Variants in TMEM232 observed in about 807,000 individuals in gnomAD.
TMEM232 encodes the protein transmembrane protein 232.
TMEM232 carries 80 observed loss-of-function variants against 78.8 expected under a neutral mutation model. The ratio of observed to expected loss-of-function variants is 1.01; its 90% CI spans 0.85 to 1.22. TMEM232 has a LOEUF of 1.22. TMEM232 is among the 50% of genes most tolerant of loss of function. The pLI, the probability that TMEM232 is intolerant of heterozygous loss-of-function variation, is 0.00. For missense variants in TMEM232, 881 were observed against 742.2 expected (o/e 1.19, Z -2.17); for synonymous variants, 297 against 254.3 (o/e 1.17, Z -1.60).
rs377220440 is a variant in TMEM232, at chr5:110,433,893, G to A, written c.1704-8977C>T. On this transcript the variant is annotated intron_variant, in intron 12 of 13. Coordinates refer to ENST00000455884, the MANE Select transcript of TMEM232 (RefSeq NM_001039763.4). ...GGATTTGGTTTGCTAGTATTCTGCT[G>A]AGGATTTTTCTATCTATGTTCATCA... Among the ~76,000 whole-genome samples the A allele has an allele frequency of 2.1e-4, 32 of 152,170 alleles. 1 individual carries two copies. The East Asian group carries it at 2.5e-3, about 12-fold the overall frequency.
intron 1 of TMEM232, among the ~76,000 whole-genome samples, chr5:110,696,548 A>T (rs918072023): frequency 5.3e-5 from 8 of 152,208 alleles, no homozygotes; most frequent in Non-Finnish European, 1.2e-4. Context: ...GTATATCTAG[A>T]AAACCCCATA....
intron 8 of TMEM232, among the ~76,000 whole-genome samples, chr5:110,615,884 CA>C (rs563622200): frequency 1.7e-3 from 261 of 151,708 alleles, no homozygotes; most frequent in African/African-American, 5.9e-3. Context: ...ATTATGAAAA[CA>C]ATCTCATTTA....
At chr5:110,508,267 C>T (rs1383831340) in intron 12 of TMEM232, among the ~76,000 whole-genome samples, 4 of 151,816 alleles carry the variant, frequency 2.6e-5, no homozygotes, top group Non-Finnish European at 5.9e-5. Context: ...ACAGAGTTGG[C>T]ATTGAAAGTG....
intron 8 of TMEM232, among the ~76,000 whole-genome samples, chr5:110,611,413 T>C (rs1049801396): frequency 1.3e-5 from 2 of 152,114 alleles, no homozygotes; most frequent in Admixed American, 6.6e-5. Context: ...CTTCATTCTT[T>C]GAGTTCCAGG....
intron 12 of TMEM232, among the ~76,000 whole-genome samples, chr5:110,480,064 T>TTTCAG (rs1763696867): frequency 6.6e-6 from 1 of 151,888 alleles, no homozygotes; most frequent in Admixed American, 6.6e-5. Flanking sequence ...AAATAACTAC[T>TTTCAG]CATTATTTCT....
intron 10 of TMEM232, among the ~76,000 whole-genome samples, chr5:110,589,205 G>C (rs1190182095): frequency 2.0e-5 from 3 of 152,074 alleles, no homozygotes; most frequent in Non-Finnish European, 2.9e-5. Context: ...ATTTTCTTCT[G>C]TAATGAGAAC....
intron 2 of TMEM232, among the ~76,000 whole-genome samples, chr5:110,654,576 T>G (rs920118239): frequency 2.6e-5 from 4 of 152,220 alleles, no homozygotes. Context: ...TGAAGTCAGG[T>G]AGCGTGATGC....
chr5:110,709,965 A>T (rs1168400857), intron 1 of TMEM232, among the ~76,000 whole-genome samples: 7 of 152,036 alleles, frequency 4.6e-5, no homozygotes, highest in Admixed American at 4.6e-4. Flanking sequence ...AATCAAAAAA[A>T]TCAATTACCA....
intron 11 of TMEM232, among the ~76,000 whole-genome samples, chr5:110,532,975 G>A (rs1369417147): frequency 6.6e-6 from 1 of 152,122 alleles, no homozygotes; most frequent in African/African-American, 2.4e-5. Flanking sequence ...GTTAGTTCAG[G>A]ATCTGCGCCT....
chr5:110,442,865 T>C (rs1435658232), intron 12 of TMEM232, among the ~76,000 whole-genome samples: 1 of 152,190 alleles, frequency 6.6e-6, no homozygotes, highest in Non-Finnish European at 1.5e-5. Context: ...TTGTCTTAGA[T>C]AAAATCCAGA....
chr5:110,431,356 T>A (rs1006048017), intron 12 of TMEM232, among the ~76,000 whole-genome samples: 3 of 151,304 alleles, frequency 2.0e-5, no homozygotes, highest in Non-Finnish European at 4.4e-5. Flanking sequence ...ACTCTGGCGT[T>A]ATGTTTGAAT....
intron 12 of TMEM232, among the ~76,000 whole-genome samples, chr5:110,516,207 T>A (rs767203888): frequency 6.6e-6 from 1 of 152,056 alleles, no homozygotes. Flanking sequence ...CCACTGCACT[T>A]CAGCCTGGGC....
chr5:110,484,831 G>A (rs1174783090), intron 12 of TMEM232, among the ~76,000 whole-genome samples: 1 of 151,964 alleles, frequency 6.6e-6, no homozygotes, highest in African/African-American at 2.4e-5. Context: ...CAAAATATAT[G>A]AAGCAAAAGT....
At chr5:110,470,937 T>C (rs1762602994) in intron 12 of TMEM232, among the ~76,000 whole-genome samples, 1 of 152,034 alleles carries the variant, frequency 6.6e-6, no homozygotes, top group South Asian at 2.1e-4. Context: ...TTCAAAATAA[T>C]GACCTTAAGG....
intron 11 of TMEM232, among the ~76,000 whole-genome samples, chr5:110,533,934 C>A (rs1183231213): frequency 2.0e-5 from 3 of 152,174 alleles, no homozygotes; most frequent in African/African-American, 7.2e-5. Flanking sequence ...AGAAATCTAT[C>A]CTCAAAGATA....
chr5:110,428,121 T>A (rs1246636849), intron 12 of TMEM232, among the ~76,000 whole-genome samples: 1 of 151,814 alleles, frequency 6.6e-6, no homozygotes, highest in Admixed American at 6.6e-5. Flanking sequence ...TAACCATTCC[T>A]ACCTTTCCCC....
At chr5:110,693,623 C>A (rs1279501270) in intron 1 of TMEM232, among the ~76,000 whole-genome samples, 2 of 152,156 alleles carry the variant, frequency 1.3e-5, no homozygotes, top group East Asian at 3.9e-4. Flanking sequence ...CCTGATGGAG[C>A]TGAAAACCAC....
chr5:110,542,283 G>A (rs2149583228), intron 11 of TMEM232, among the ~76,000 whole-genome samples: 1 of 152,250 alleles, frequency 6.6e-6, no homozygotes, highest in South Asian at 2.1e-4. Flanking sequence ...TTTCCAGATG[G>A]ATGGAACCAC....
At chr5:110,393,641 A>G (rs184794788) in intron 3 of TMEM232, among the ~76,000 whole-genome samples, 6 of 152,224 alleles carry the variant, frequency 3.9e-5, no homozygotes, top group Admixed American at 2.6e-4. Context: ...ATACAATCCA[A>G]TTATACTCTT....
Sources: allele counts gnomAD v4.1 joint callset (sites outside exome capture counted in the v4.1 genomes callset), GRCh38; gene constraint gnomAD v4.1.1; transcripts MANE v1.5; gene names NCBI Gene and HGNC (gene_info 2026-07-23, HGNC 2026-07-21).